CRYBG3: variants seen among roughly 807,000 people sequenced by gnomAD.
The protein encoded by CRYBG3 is crystallin beta-gamma domain containing 3.
A neutral mutation model predicts 244.2 loss-of-function variants in CRYBG3; 127 were observed. The ratio of observed to expected loss-of-function variants is 0.52; its 90% CI spans 0.45 to 0.60. The LOEUF is 0.60. CRYBG3 is among the 20% of genes least tolerant of loss of function. The pLI, the probability that CRYBG3 is intolerant of heterozygous loss-of-function variation, is 0.00. For synonymous variants in CRYBG3, 1,132 were observed against 1,195.8 expected (o/e 0.95, Z 1.10); for missense variants, 3,325 against 3,442.5 (o/e 0.97, Z 0.85).
intron 18 of CRYBG3, among the ~76,000 whole-genome samples, chr3:97,935,321 G>T (rs2040151063): frequency 6.6e-6 from 1 of 152,012 alleles, no homozygotes; most frequent in African/African-American, 2.4e-5. Flanking sequence ...AGAATCTGCA[G>T]CGGGAGAGGC....
At position 97,942,422 on chromosome 3, in the gene CRYBG3, C is replaced by A. The variant is rs1251908065; in HGVS notation, c.8803C>A (p.Gln2935Lys). Residue 2935 changes from glutamine (Q) to lysine (K), a missense_variant, in exon 21 of 22, where the codon CAA becomes AAA. Transcript: ENST00000389622. ...AACTATCAGCTCTTATCTCAGTGAT[C>A]AACTTGTCCTTGATGTTAAAGGTGG... ...NGTISSYLSD[Q>K]LVLDVKGGNY... 34 of 1,610,546 alleles carry A rather than the reference C, an allele frequency of 2.1e-5. No individual in the cohort carries two copies. The highest frequency in any genetic ancestry group is 2.1e-5 in the Non-Finnish European group (25 of 1,177,890).
At chr3:97,894,263 C>G (rs1032576032) in intron 11 of CRYBG3, among the ~76,000 whole-genome samples, 2 of 152,138 alleles carry the variant, frequency 1.3e-5, no homozygotes, top group African/African-American at 4.8e-5. Context: ...GTGCAATGTG[C>G]ATTGTTATTC....
chr3:97,875,836 AAAAC>A lies in CRYBG3; in HGVS notation c.4650_4653del (p.Asn1550LysfsTer6), dbSNP rs2039364756. 13 of 1,231,982 alleles carry A rather than the reference AAAAC, an allele frequency of 1.1e-5. No homozygotes were observed. The highest frequency in any genetic ancestry group is 4.1e-5 in the South Asian group (1 of 24,328). 76.3% of individuals were successfully genotyped at this position (1,231,982 alleles called of 1,614,324 possible). The stretch of plus-strand genomic sequence containing the variant: ...TATACCTTCCATGTTAGAAACAGGG[AAAAC>A]AAACAAAAAGGATGCTGAATTGAAT... On this transcript the variant is annotated frameshift_variant, in exon 4 of 22. Transcript: ENST00000389622. LOFTEE classifies it high-confidence loss of function.
chr3:97,864,464 A>T lies in CRYBG3; in HGVS notation c.464A>T (p.Asp155Val). ...GATGACCAGGATAAAACTGAGAAGG[A>T]TTTACAAAATCCCAGTGACCATCAT... ...FKDDQDKTEK[D>V]LQNPSDHHED... Residue 155 changes from aspartate to valine, a missense_variant, in exon 3 of 22, where the codon GAT becomes GTT. Physicochemically the swap from Asp to Val is radical, Grantham distance 152. Coordinates refer to ENST00000389622, the MANE Select transcript of CRYBG3 (RefSeq NM_153605.4). The T allele has an allele frequency of 2.6e-6, 4 of 1,535,992 alleles. No homozygotes were observed. Among genetic ancestry groups the T allele is most frequent in the Non-Finnish European group, 2.6e-6 (3 of 1,146,822 alleles).
chr3:97,892,974 A>G lies in CRYBG3; in HGVS notation c.7555A>G (p.Ile2519Val), dbSNP rs1318638892. 1 of 1,599,140 alleles carries G rather than the reference A, an allele frequency of 6.3e-7. No individual in the cohort carries two copies. Among genetic ancestry groups the G allele is most frequent in the African/African-American group, 1.4e-5 (1 of 73,858 alleles). The change falls in exon 11 of 22, where the codon ATT (isoleucine) becomes GTT (valine). Residue 2519 changes from isoleucine (I) to valine (V), a missense_variant. Ile to Val is a conservative substitution (Grantham distance 29). Transcript: ENST00000389622. ...NNGDFHRIGS[I>V]RVIGGVWVAY... The stretch of plus-strand genomic sequence containing the variant: ...TGGAGATTTTCACAGAATTGGATCA[A>G]TTCGTGTCATTGGTGGAGTGTGAGT...
In CRYBG3 at chr3:97,822,251, C is replaced by G; in HGVS notation, c.45C>G (p.Phe15Leu). Residue 15 changes from phenylalanine (F) to leucine (L), a missense_variant, in exon 1 of 22, where the codon TTC becomes TTG. By Grantham distance (22) the Phe-to-Leu change is conservative. Transcript: ENST00000389622. The part of the protein sequence containing the change: ...RRRGSAPWHS[F>L]SRFFAPRSPS... ...GGGGCAGCGCCCCCTGGCACAGCTT[C>G]TCCCGGTTCTTCGCTCCCCGAAGTC... is the stretch of plus-strand genomic sequence containing the variant. 6.5e-7 allele frequency: 1 copy of G among 1,531,120 alleles called. No homozygotes were observed. Among genetic ancestry groups the G allele is most frequent in the African/African-American group, 1.4e-5 (1 of 72,814 alleles). 94.8% of individuals were successfully genotyped at this position (1,531,120 alleles called of 1,614,324 possible). A position where few individuals can be genotyped will look rare whatever the true frequency, so the allele number is the denominator to read the frequency against.
intron 19 of CRYBG3, among the ~76,000 whole-genome samples, chr3:97,938,156 G>C (rs1229626496): frequency 7.2e-6 from 1 of 138,060 alleles, no homozygotes; most frequent in African/African-American, 2.5e-5. Flanking sequence ...CTTTGAGGTA[G>C]GAATTATTAT....
chr3:97,867,516 C>T (rs962770533), intron 3 of CRYBG3, among the ~76,000 whole-genome samples: 9 of 152,028 alleles, frequency 5.9e-5, no homozygotes, highest in African/African-American at 2.2e-4. Context: ...AGAGCGTATC[C>T]GTATGTGTTA....
intron 10 of CRYBG3, 23 bp downstream of exon 10, chr3:97,889,413 T>C (rs777344622): frequency 5.0e-6 from 8 of 1,588,614 alleles, no homozygotes; most frequent in Non-Finnish European, 6.9e-6. Flanking sequence ...CTGATTTTTG[T>C]AGCAGGCTAA....
At chr3:97,887,166 G>GA in intron 8 of CRYBG3, among the ~76,000 whole-genome samples, 1 of 152,184 alleles carries the variant, frequency 6.6e-6, no homozygotes, top group South Asian at 2.1e-4. Flanking sequence ...CTGAAAGGCA[G>GA]ATGGTGTTAC....
In CRYBG3 at chr3:97,875,881, G is replaced by T. The variant is rs1195427646; in HGVS notation, c.4687G>T (p.Ala1563Ser). 2.4e-6 allele frequency: 3 copies of T among 1,231,738 alleles called. No individual in the cohort carries two copies. The highest frequency in any genetic ancestry group is 2.0e-6 in the Non-Finnish European group (2 of 987,832). 76.3% of individuals were successfully genotyped at this position (1,231,738 alleles called of 1,614,324 possible). A position where few individuals can be genotyped will look rare whatever the true frequency, so the allele number is the denominator to read the frequency against. The change falls in exon 4 of 22, where the codon GCA becomes TCA. Residue 1563 changes from alanine (A) to serine (S), a missense_variant. This residue lies in a region of CRYBG3 where 635 missense variants were observed against 771.7 expected (regional missense o/e 0.82). Coordinates refer to ENST00000389622, the MANE Select transcript of CRYBG3 (RefSeq NM_153605.4). ...DAELNILKYE[A>S]VPPMIEMGRI... ...TGAATTGAATATTCTGAAATATGAG[G>T]CAGTCCCTCCTATGATAGAAATGGG... is the stretch of plus-strand genomic sequence containing the variant.
chr3:97,851,418 T>C (rs2038984292), intron 2 of CRYBG3, among the ~76,000 whole-genome samples: 1 of 152,206 alleles, frequency 6.6e-6, no homozygotes, highest in South Asian at 2.1e-4. Context: ...TGTAAGATTA[T>C]TGTTTACCTA....
At position 97,875,675 on chromosome 3, in the gene CRYBG3, G is replaced by A; in HGVS notation, c.4481G>A (p.Ser1494Asn). ...ATCCATGCACCTGGTACATCTAAAA[G>A]CAGTTTGTCTGATAGCCTTGTATGT... ...DDIHAPGTSK[S>N]SLSDSLVCIS... The change falls in exon 4 of 22, where the codon AGC becomes AAC. Residue 1494 changes from serine (S) to asparagine (N), a missense_variant. By Grantham distance (46) the Ser-to-Asn change is conservative. Around this residue, in one of 4 missense-constraint regions of CRYBG3, gnomAD observed 635 missense variants for 771.7 expected, o/e 0.82. Transcript: ENST00000389622. 1 of 1,233,202 alleles carries A rather than the reference G, an allele frequency of 8.1e-7. No homozygotes were observed. Among genetic ancestry groups the A allele is most frequent in the Non-Finnish European group, 1.0e-6 (1 of 988,890 alleles). 76.4% of individuals were successfully genotyped at this position (1,233,202 alleles called of 1,614,324 possible).
Position 97,877,954 on chromosome 3 carries a change from A to G in CRYBG3, c.6760A>G (p.Arg2254Gly), listed in dbSNP as rs1313558934. 6.2e-7 allele frequency: 1 copy of G among 1,614,162 alleles called. No individual in the cohort carries two copies. The highest frequency in any genetic ancestry group is 8.5e-7 in the Non-Finnish European group (1 of 1,179,990). ...AAGTCATTCCTCAGAAAAAGGAGCC[A>G]GATTTGGTGGAATTTTTCAGGAACC... ...SQSHSSEKGA[R>G]FGGIFQEPVS... The change falls in exon 4 of 22, where the codon AGA (arginine) becomes GGA (glycine). Residue 2254 changes from arginine (R) to glycine (G), a missense_variant. Arg to Gly is a moderately radical substitution (Grantham distance 125). This residue lies in a region of CRYBG3 where 450 missense variants were observed against 424.1 expected (regional missense o/e 1.06). Transcript: ENST00000389622.
chr3:97,874,114 T>G lies in CRYBG3; in HGVS notation c.2920T>G (p.Cys974Gly). 5 of 1,535,334 alleles carry G rather than the reference T, an allele frequency of 3.3e-6. No homozygotes were observed. The highest frequency in any genetic ancestry group is 4.4e-6 in the Non-Finnish European group (5 of 1,146,702). The change falls in exon 4 of 22, where the codon TGT (cysteine) becomes GGT (glycine). Residue 974 changes from cysteine (C) to glycine (G), a missense_variant. Cys to Gly is a radical substitution (Grantham distance 159). This residue lies in a region of CRYBG3 where 1,526 missense variants were observed against 1,443.2 expected (regional missense o/e 1.06). Transcript: ENST00000389622. ...TCVFHQSLDI[C>G]GTKKISGHSE... ...TGTGTTTCATCAATCTTTGGATATTTGTGGGACTAAAAAGATTTCTGGTCA... is the reference window on the plus strand; with the variant it reads ...TGTGTTTCATCAATCTTTGGATATTGGTGGGACTAAAAAGATTTCTGGTCA...
intron 10 of CRYBG3, among the ~76,000 whole-genome samples, chr3:97,891,607 G>A (rs901155543): frequency 6.6e-6 from 1 of 152,132 alleles, no homozygotes; most frequent in Non-Finnish European, 1.5e-5. Context: ...AGAACTGAGG[G>A]TCTTGCAAAT....
At position 97,822,196 on chromosome 3, in the gene CRYBG3, C is replaced by G; in HGVS notation, c.-11C>G. The G allele has an allele frequency of 6.6e-7, 1 of 1,513,132 alleles. No individual in the cohort carries two copies. The highest frequency in any genetic ancestry group is 8.8e-7 in the Non-Finnish European group (1 of 1,135,982). 93.7% of individuals were successfully genotyped at this position (1,513,132 alleles called of 1,614,324 possible). A position where few individuals can be genotyped will look rare whatever the true frequency, so the allele number is the denominator to read the frequency against. On this transcript the variant is annotated 5_prime_UTR_variant, in exon 1 of 22. Transcript: ENST00000389622. ...CTTCAGACAGCCCCGGGCCAGCGGCCCCCTCGGGAAATGTCCAGCGGCCGC... is the reference window on the plus strand; with the variant it reads ...CTTCAGACAGCCCCGGGCCAGCGGCGCCCTCGGGAAATGTCCAGCGGCCGC...
At chr3:97,914,417 C>A (rs1479109688) in intron 16 of CRYBG3, among the ~76,000 whole-genome samples, 1 of 152,064 alleles carries the variant, frequency 6.6e-6, no homozygotes, top group Admixed American at 6.6e-5. Flanking sequence ...ATGTATTTTT[C>A]TTGACACTGA....
intron 3 of CRYBG3, 128 bp from the exon 4 acceptor site, chr3:97,871,714 T>G (rs542609208): frequency 1.7e-6 from 1 of 583,780 alleles, no homozygotes; most frequent in Non-Finnish European, 2.8e-6. Flanking sequence ...GTTCTAGGAT[T>G]TACTCCCCAA....
Sources: allele counts gnomAD v4.1 joint callset (sites outside exome capture counted in the v4.1 genomes callset), GRCh38; gene constraint gnomAD v4.1.1; regional missense constraint gnomAD v4.1.1; transcripts MANE v1.5; gene names NCBI Gene and HGNC (gene_info 2026-07-23, HGNC 2026-07-21).